CLYBL: variants seen among roughly 807,000 people sequenced by gnomAD.
The protein encoded by CLYBL is citramalyl-CoA lyase, mitochondrial.
CLYBL carries 31 observed loss-of-function variants against 38.9 expected under a neutral mutation model. That is an observed-to-expected ratio of 0.80 (90% CI 0.60 to 1.08). The LOEUF is 1.08. Ranked by LOEUF, CLYBL falls within the 50% of genes least tolerant of loss-of-function variation. The probability of loss-of-function intolerance (pLI) is 0.00; values close to 1 mark genes in which losing one functional copy is unlikely to be tolerated. For synonymous variants in CLYBL, 171 were observed against 158.6 expected (o/e 1.08, Z -0.59); for missense variants, 434 against 411.6 (o/e 1.05, Z -0.47).
At chr13:99,709,779 T>C (rs958084943) in intron 1 of CLYBL, among the ~76,000 whole-genome samples, 3 of 152,156 alleles carry the variant, frequency 2.0e-5, no homozygotes, top group Non-Finnish European at 4.4e-5. Flanking sequence ...TAGACTCTTA[T>C]GTGTGAATTC....
intron 2 of CLYBL, among the ~76,000 whole-genome samples, chr13:99,776,444 C>G (rs113389495): frequency 0.016 from 2,477 of 150,366 alleles, 65 homozygotes; most frequent in African/African-American, 0.057. Context: ...TGTAGTGAGC[C>G]GAGATTGCCC....
intron 2 of CLYBL, among the ~76,000 whole-genome samples, chr13:99,834,830 TCTC>T (rs1322224497): frequency 2.0e-5 from 3 of 152,130 alleles, no homozygotes; most frequent in African/African-American, 4.8e-5. Flanking sequence ...ATGTTCTAAT[TCTC>T]CTCCTGCTGA....
chr13:99,833,683 CTTTTTTTT>C (rs35378080), intron 2 of CLYBL, among the ~76,000 whole-genome samples: 1 of 56,114 alleles, frequency 1.8e-5, no homozygotes, highest in Admixed American at 2.8e-4. Flanking sequence ...TACCGTGTTG[CTTTTTTTT>C]TTTTTTTTTT....
At chr13:99,631,609 T>C (rs536408539) in intron 1 of CLYBL, among the ~76,000 whole-genome samples, 5 of 151,996 alleles carry the variant, frequency 3.3e-5, no homozygotes, top group Non-Finnish European at 7.4e-5. Flanking sequence ...ACCAAATTTT[T>C]TTTTTTTGAG....
At chr13:99,806,300 T>G (rs975279278) in intron 2 of CLYBL, among the ~76,000 whole-genome samples, 1 of 152,252 alleles carries the variant, frequency 6.6e-6, no homozygotes, top group Admixed American at 6.5e-5. Flanking sequence ...CCACATTAAG[T>G]ATTACTTTTA....
chr13:99,815,507 C>CT (rs2050426613), intron 2 of CLYBL, among the ~76,000 whole-genome samples: 1 of 152,172 alleles, frequency 6.6e-6, no homozygotes, highest in Non-Finnish European at 1.5e-5. Context: ...ATTCCTTGAG[C>CT]TGAGGAGTTC....
chr13:99,693,490 T>C (rs1421156390), intron 1 of CLYBL, among the ~76,000 whole-genome samples: 1 of 152,162 alleles, frequency 6.6e-6, no homozygotes, highest in Non-Finnish European at 1.5e-5. Context: ...ACACCCTCCT[T>C]ATCTGCTGTG....
intron 1 of CLYBL, among the ~76,000 whole-genome samples, chr13:99,639,123 G>A (rs999958505): frequency 2.0e-5 from 3 of 152,118 alleles, no homozygotes; most frequent in African/African-American, 7.2e-5. Flanking sequence ...TTGGAAAACC[G>A]GCAATCTGTG....
chr13:99,772,906 C>CT lies in CLYBL; in HGVS notation c.148dup (p.Tyr50LeufsTer6), dbSNP rs745409242. The CT allele has an allele frequency of 6.2e-7, 1 of 1,613,752 alleles. No individual in the cohort carries two copies. Among genetic ancestry groups the CT allele is most frequent in the Non-Finnish European group, 8.5e-7 (1 of 1,179,832 alleles). On this transcript the variant is annotated frameshift_variant, in exon 2 of 9. Coordinates refer to ENST00000339105, the MANE Select transcript of CLYBL (RefSeq NM_206808.5). LOFTEE classifies it high-confidence loss of function. ...CAAGTACATCCCCCGGAGGGCAGTG[C>CT]TTTATGTACCTGGAAATGATGAAAA...
At chr13:99,755,220 T>C (rs1396848898) in intron 1 of CLYBL, among the ~76,000 whole-genome samples, 1 of 152,194 alleles carries the variant, frequency 6.6e-6, no homozygotes, top group South Asian at 2.1e-4. Context: ...TTTAAGTAGA[T>C]ACTCATTGTT....
intron 2 of CLYBL, among the ~76,000 whole-genome samples, chr13:99,833,442 A>G (rs192291938): frequency 2.0e-5 from 3 of 152,272 alleles, no homozygotes; most frequent in Admixed American, 2.0e-4. Flanking sequence ...AATTGCTGCC[A>G]TAGCTACATA....
At chr13:99,620,376 G>C (rs1412529790) in intron 1 of CLYBL, among the ~76,000 whole-genome samples, 1 of 152,262 alleles carries the variant, frequency 6.6e-6, no homozygotes, top group African/African-American at 2.4e-5. Context: ...GGGTCTGCCT[G>C]TTCTAGGGCC....
chr13:99,652,957 A>C (rs942401358), intron 1 of CLYBL, among the ~76,000 whole-genome samples: 3 of 152,216 alleles, frequency 2.0e-5, no homozygotes, highest in South Asian at 2.1e-4. Context: ...GACACACCCT[A>C]AAAGCAGATG....
intron 2 of CLYBL, among the ~76,000 whole-genome samples, chr13:99,799,052 G>A (rs1185268891): frequency 1.3e-5 from 2 of 152,142 alleles, no homozygotes. Flanking sequence ...TAAGAACAGC[G>A]AATTGGGAAA....
At chr13:99,631,621 T>TG in intron 1 of CLYBL, among the ~76,000 whole-genome samples, 1 of 151,786 alleles carries the variant, frequency 6.6e-6, no homozygotes, top group East Asian at 1.9e-4. Flanking sequence ...TTTTTTGAGT[T>TG]GGAGTCTCGC....
At chr13:99,813,249 C>G (rs1355151381) in intron 2 of CLYBL, among the ~76,000 whole-genome samples, 1 of 152,096 alleles carries the variant, frequency 6.6e-6, no homozygotes, top group East Asian at 1.9e-4. Context: ...ATAGAAATAT[C>G]CAGTGGAATG....
At chr13:99,794,132 A>G (rs577069336) in intron 2 of CLYBL, among the ~76,000 whole-genome samples, 1 of 152,316 alleles carries the variant, frequency 6.6e-6, no homozygotes, top group Admixed American at 6.5e-5. Context: ...TAACGAATCA[A>G]ATATGTGGCC....
At chr13:99,770,294 G>T (rs1361435644) in intron 1 of CLYBL, among the ~76,000 whole-genome samples, 2 of 151,120 alleles carry the variant, frequency 1.3e-5, no homozygotes. Context: ...CACCATATTG[G>T]CCAGGCTGGT....
At chr13:99,819,462 A>ATATG (rs2050540521) in intron 2 of CLYBL, among the ~76,000 whole-genome samples, 1 of 40,346 alleles carries the variant, frequency 2.5e-5, no homozygotes, top group African/African-American at 1.0e-4. Flanking sequence ...ATATATATAT[A>ATATG]TATATAATAT....
Sources: gnomAD v4.1 joint callset for allele counts (sites outside exome capture counted in the v4.1 genomes callset) on GRCh38, gnomAD v4.1.1 for gene constraint, MANE v1.5 for transcripts, NCBI Gene and HGNC (gene_info 2026-07-23, HGNC 2026-07-21) for gene names.